Variants in PRSS3 observed in about 807,000 individuals in gnomAD.
The protein encoded by PRSS3 is serine protease 3.
In PRSS3, 14 loss-of-function variants were observed where a neutral mutation model predicts 20.8. That is an observed-to-expected ratio of 0.67 (90% confidence interval 0.44 to 1.05). The LOEUF (loss-of-function observed/expected upper bound fraction) is 1.05, where lower values mean the gene tolerates loss of function less well. Ranked by LOEUF, PRSS3 falls within the 50% of genes least tolerant of loss-of-function variation. The probability of loss-of-function intolerance (pLI) is 0.00; values close to 1 mark genes in which losing one functional copy is unlikely to be tolerated. For synonymous variants in PRSS3, 91 were observed against 117.6 expected, an observed-to-expected ratio of 0.77 and a Z score of 1.46; for missense variants, 237 against 306.4, an observed-to-expected ratio of 0.77 and a Z score of 1.69.
chr9:33,750,804 G>C lies in PRSS3; in HGVS notation c.-53+77G>C. On this transcript the variant is annotated intron_variant, in intron 1 of 5. Transcript: ENST00000342836. This position sits in a 1 kb window ranked among gnomAD's most constrained non-coding sequence, Gnocchi z 4.8. ...GAGAGGGAGCCCCGCCAAGGAGCGGGGCTGTGATGGAGAGGGGGTTCCGAC... is the reference window on the plus strand; with the variant it reads ...GAGAGGGAGCCCCGCCAAGGAGCGGCGCTGTGATGGAGAGGGGGTTCCGAC... 7.1e-7 allele frequency: 1 copy of C among 1,410,944 alleles called. No homozygotes were observed. The highest frequency in any genetic ancestry group is 9.2e-7 in the Non-Finnish European group (1 of 1,088,626). 87.4% of individuals were successfully genotyped at this position (1,410,944 alleles called of 1,614,324 possible).
At chr9:33,765,795 C>A (rs1823386116) in intron 1 of PRSS3, among the ~76,000 whole-genome samples, 2 of 152,268 alleles carry the variant, frequency 1.3e-5, no homozygotes, top group South Asian at 2.1e-4. Flanking sequence ...CTGCAGAAAG[C>A]AAATCCATGG....
chr9:33,779,712 TA>T (rs1388043374), intron 1 of PRSS3, among the ~76,000 whole-genome samples: 2 of 151,082 alleles, frequency 1.3e-5, no homozygotes, highest in South Asian at 4.2e-4. Flanking sequence ...ACTAAAAATA[TA>T]AAAAAACTAG....
intron 1 of PRSS3, chr9:33,786,904 T>G: frequency 3.3e-6 from 2 of 611,392 alleles, no homozygotes; most frequent in Non-Finnish European, 5.9e-6. Flanking sequence ...CACATGAACC[T>G]GAGGGCCCTG....
upstream of PRSS3, chr9:33,794,999 T>C: frequency 1.5e-6 from 2 of 1,347,578 alleles, no homozygotes; most frequent in Non-Finnish European, 9.9e-7. Flanking sequence ...CCCTTCTCCT[T>C]ACCCCTTAGT....
intron 3 of PRSS3, 120 bp downstream of exon 3, chr9:33,798,202 C>A: frequency 6.5e-7 from 1 of 1,548,150 alleles, no homozygotes; most frequent in Non-Finnish European, 8.8e-7. Flanking sequence ...GTGCCCATTA[C>A]ACACAGTCTC....
chr9:33,755,775 TG>T (rs1822913976), intron 1 of PRSS3, among the ~76,000 whole-genome samples: 1 of 152,114 alleles, frequency 6.6e-6, no homozygotes, highest in African/African-American at 2.4e-5. Flanking sequence ...AGGAAACTCA[TG>T]GGGGCCCTCT....
At chr9:33,786,661 G>C in intron 1 of PRSS3, 1 of 766,410 alleles carries the variant, frequency 1.3e-6, no homozygotes, top group Non-Finnish European at 2.4e-6. Flanking sequence ...AACCTGGACA[G>C]AGCGTGACAC....
chr9:33,752,353 G>A (rs1342744542), intron 1 of PRSS3, among the ~76,000 whole-genome samples: 1 of 152,196 alleles, frequency 6.6e-6, no homozygotes, highest in African/African-American at 2.4e-5. Flanking sequence ...ACTGTGTTGG[G>A]TGTGATCAAA....
intron 1 of PRSS3, among the ~76,000 whole-genome samples, chr9:33,785,208 C>T (rs1231783543): frequency 1.1e-5 from 1 of 91,874 alleles, no homozygotes; most frequent in African/African-American, 5.7e-5. Context: ...GACGGAGTCT[C>T]GCTCTGTCGC....
intron 2 of PRSS3, among the ~76,000 whole-genome samples, chr9:33,797,072 G>A (rs192968837): frequency 1.6e-3 from 247 of 152,320 alleles, no homozygotes; most frequent in Middle Eastern, 6.8e-3. Context: ...ACACATTAAA[G>A]CGACCTAAGA....
At chr9:33,768,871 A>G (rs1297629864) in intron 1 of PRSS3, among the ~76,000 whole-genome samples, 1 of 152,222 alleles carries the variant, frequency 6.6e-6, no homozygotes, top group African/African-American at 2.4e-5. Flanking sequence ...AAAAATAAAA[A>G]TAAAAAAGGA....
In PRSS3 at chr9:33,773,686, G is replaced by A. The variant is rs1405309025; in HGVS notation, c.-52-21060G>A. ...TCACTCTGTCACCCAGCGGTGGAGT[G>A]ACACGGAGTGTCAGCGGTGCGATCA... On this transcript the variant is annotated intron_variant, in intron 1 of 5. Coordinates refer to the PRSS3 transcript ENST00000342836. Among the ~76,000 whole-genome samples, 4 of 152,362 alleles carry A rather than the reference G, an allele frequency of 2.6e-5. No homozygotes were observed. The South Asian group carries it at 8.3e-4, about 32-fold the overall frequency.
intron 1 of PRSS3, chr9:33,762,279 T>C (rs144146862): frequency 6.6e-6 from 1 of 152,320 alleles, no homozygotes; most frequent in African/African-American, 2.4e-5. Context: ...CCAAAGAACT[T>C]CCCATACAGG....
At chr9:33,785,217 G>A (rs1175696975) in intron 1 of PRSS3, among the ~76,000 whole-genome samples, 3 of 114,840 alleles carry the variant, frequency 2.6e-5, no homozygotes, top group Middle Eastern at 6.8e-3. Context: ...TCGCTCTGTC[G>A]CCCAGGCTGG....
intron 1 of PRSS3, chr9:33,786,630 T>C: frequency 2.6e-6 from 2 of 766,406 alleles, no homozygotes; most frequent in Non-Finnish European, 4.8e-6. Context: ...CAAGTCACCA[T>C]GATGTTCTGG....
At chr9:33,796,533 C>A in intron 1 of PRSS3, 110 bp from the exon 2 acceptor site, 1 of 1,466,866 alleles carries the variant, frequency 6.8e-7, no homozygotes, top group Middle Eastern at 2.3e-4. Context: ...CCTTGCCTGG[C>A]CTCACTGGGC....
chr9:33,773,333 G>C (rs907601214), intron 1 of PRSS3, among the ~76,000 whole-genome samples: 1 of 152,174 alleles, frequency 6.6e-6, no homozygotes. Flanking sequence ...TTGCCAGCTT[G>C]GTTGCTATTT....
chr9:33,795,432 C>A (rs1192538246), upstream of PRSS3: 13 of 1,207,440 alleles, frequency 1.1e-5, no homozygotes, highest in East Asian at 3.2e-4. Context: ...CGAGCTGATG[C>A]AAGACCCTGG....
intron 1 of PRSS3, among the ~76,000 whole-genome samples, chr9:33,768,586 G>A (rs963569810): frequency 4.6e-5 from 7 of 152,010 alleles, no homozygotes; most frequent in African/African-American, 1.7e-4. Context: ...GCTGGGCACC[G>A]TGGCTCACAC....
Sources: allele counts gnomAD v4.1 joint callset (sites outside exome capture counted in the v4.1 genomes callset), GRCh38; gene constraint gnomAD v4.1.1; non-coding constraint Gnocchi (gnomAD v3.1); transcripts MANE v1.5; gene names NCBI Gene and HGNC (gene_info 2026-07-23, HGNC 2026-07-21).